TMEM163: variants seen among roughly 807,000 people sequenced by gnomAD.
TMEM163 encodes the protein transmembrane protein 163.
In TMEM163, 17 loss-of-function variants were observed where a neutral mutation model predicts 29.3. That is an observed-to-expected ratio of 0.58 (90% CI 0.40 to 0.87). The LOEUF is 0.87. Ranked by LOEUF, TMEM163 falls within the 40% of genes least tolerant of loss-of-function variation. The probability of loss-of-function intolerance (pLI) is 0.00; values close to 1 mark genes in which losing one functional copy is unlikely to be tolerated. For synonymous variants in TMEM163, 157 were observed against 160.6 expected (o/e 0.98, Z 0.17); for missense variants, 303 against 381.5 (o/e 0.79, Z 1.71).
intron 2 of TMEM163, among the ~76,000 whole-genome samples, chr2:134,605,810 A>T (rs1682343017): frequency 1.3e-5 from 2 of 152,236 alleles, no homozygotes; most frequent in Admixed American, 6.5e-5. Flanking sequence ...AGATCCAAAC[A>T]CATGGAAAGG....
At chr2:134,711,486 T>C (rs1256205495) in intron 2 of TMEM163, among the ~76,000 whole-genome samples, 1 of 152,226 alleles carries the variant, frequency 6.6e-6, no homozygotes, top group Non-Finnish European at 1.5e-5. Context: ...CAACATTTTA[T>C]TGGCTAGAAG....
Position 134,598,288 on chromosome 2 carries a change from C to G in TMEM163, c.323-46197G>C, listed in dbSNP as rs116129235. Among the ~76,000 whole-genome samples the G allele has an allele frequency of 2.8e-3, 432 of 152,308 alleles. 2 individuals carry two copies. The highest frequency in any genetic ancestry group is 9.7e-3 in the African/African-American group (405 of 41,564). On this transcript the variant is annotated intron_variant, in intron 2 of 7. Transcript: ENST00000281924. ...TTTAGCCAAGAAATGGTGTCACCTG[C>G]TTCCAAACCTGCTTATGTCAGTTGT...
At chr2:134,459,928 G>A (rs1455346707) in intron 6 of TMEM163, among the ~76,000 whole-genome samples, 2 of 152,214 alleles carry the variant, frequency 1.3e-5, no homozygotes, top group Middle Eastern at 3.4e-3. Context: ...ATCTCAGACT[G>A]ACCACAGCCA....
chr2:134,678,665 G>A (rs767481082), intron 2 of TMEM163, among the ~76,000 whole-genome samples: 2 of 152,158 alleles, frequency 1.3e-5, no homozygotes, highest in Non-Finnish European at 2.9e-5. Context: ...TGTCAGCCTG[G>A]GGAGTCCTTT....
chr2:134,487,706 G>A (rs1268037379), intron 5 of TMEM163, among the ~76,000 whole-genome samples: 1 of 152,166 alleles, frequency 6.6e-6, no homozygotes, highest in African/African-American at 2.4e-5. Context: ...CCACAGAATG[G>A]AACGGCAAGT....
At chr2:134,712,348 T>G (rs547374485) in intron 2 of TMEM163, among the ~76,000 whole-genome samples, 1 of 152,328 alleles carries the variant, frequency 6.6e-6, no homozygotes, top group East Asian at 1.9e-4. Context: ...TGTGCTTTTT[T>G]TCTCCTAATC....
At chr2:134,481,389 G>C (rs904039683) in intron 5 of TMEM163, among the ~76,000 whole-genome samples, 1 of 139,242 alleles carries the variant, frequency 7.2e-6, no homozygotes. Flanking sequence ...GGGGGGGGGG[G>C]AGCTTTTCCT....
In TMEM163 at chr2:134,515,254, A is replaced by T. The variant is rs927911601; in HGVS notation, c.459-12257T>A. Reference sequence around the variant, plus strand: ...TGAATAATCTTACTGAATCAAAAAGACAAGAATGGAAGCCCCCCGTGGTCT... The same window carrying T: ...TGAATAATCTTACTGAATCAAAAAGTCAAGAATGGAAGCCCCCCGTGGTCT... On this transcript the variant is annotated intron_variant, in intron 4 of 7. Transcript: ENST00000281924. 3.9e-5 allele frequency among the ~76,000 whole-genome samples: 6 copies of T among 152,290 alleles called. No homozygotes were observed. In the East Asian group the frequency reaches 1.2e-3, roughly 29 times the overall value.
chr2:134,713,241 A>C lies in TMEM163; in HGVS notation c.281T>G (p.Phe94Cys), dbSNP rs1305803476. The C allele has an allele frequency of 6.2e-7, 1 of 1,614,058 alleles. No homozygotes were observed. Among genetic ancestry groups the C allele is most frequent in the Non-Finnish European group, 8.5e-7 (1 of 1,180,028 alleles). ...GAGGGCCAGGGTGACAATGATGGAG[A>C]ACCAGGACACCCACAATGCCTTCTT... Reference protein sequence around the residue: ...YRKKALWVSWFSIIVTLALAV... With the variant: ...YRKKALWVSWCSIIVTLALAV... Residue 94 changes from phenylalanine (F) to cysteine (C), a missense_variant, in exon 2 of 8, where the codon TTC (phenylalanine) becomes TGC (cysteine). Physicochemically the swap from Phe to Cys is radical, Grantham distance 205. Coordinates refer to ENST00000281924, the MANE Select transcript of TMEM163 (RefSeq NM_030923.5).
chr2:134,561,984 G>T (rs1487867810), intron 2 of TMEM163, among the ~76,000 whole-genome samples: 1 of 152,238 alleles, frequency 6.6e-6, no homozygotes, highest in African/African-American at 2.4e-5. Flanking sequence ...CTTTAGCCCA[G>T]TAAGTAAAGC....
At chr2:134,486,103 C>T (rs1335768566) in intron 5 of TMEM163, among the ~76,000 whole-genome samples, 1 of 152,186 alleles carries the variant, frequency 6.6e-6, no homozygotes, top group Admixed American at 6.5e-5. Context: ...CCATGCCTAA[C>T]ACCTAAAAAT....
chr2:134,715,339 A>G (rs1409778679), intron 1 of TMEM163, among the ~76,000 whole-genome samples: 1 of 152,206 alleles, frequency 6.6e-6, no homozygotes, highest in Non-Finnish European at 1.5e-5. Context: ...GTTTCAGATG[A>G]CAGCCCAGGA....
intron 2 of TMEM163, among the ~76,000 whole-genome samples, chr2:134,564,636 T>C (rs1279158801): frequency 2.6e-5 from 4 of 152,138 alleles, no homozygotes; most frequent in Non-Finnish European, 5.9e-5. Flanking sequence ...ATCCAGAACA[T>C]ATAGACTTAT....
intron 1 of TMEM163, among the ~76,000 whole-genome samples, chr2:134,715,185 A>G (rs1388158677): frequency 6.6e-6 from 1 of 152,214 alleles, no homozygotes; most frequent in Admixed American, 6.5e-5. Flanking sequence ...AGGAATGACA[A>G]TGATGCCCAT....
intron 5 of TMEM163, chr2:134,466,658 A>C (rs1254058037): frequency 6.1e-6 from 1 of 163,264 alleles, no homozygotes; most frequent in African/African-American, 2.4e-5. Flanking sequence ...AACAGAGCCA[A>C]CTGAATTTGC....
intron 4 of TMEM163, among the ~76,000 whole-genome samples, chr2:134,523,862 G>T (rs1680237659): frequency 6.6e-6 from 1 of 152,160 alleles, no homozygotes; most frequent in South Asian, 2.1e-4. Context: ...TCCCACAGGG[G>T]ATACTTGGCA....
chr2:134,643,167 A>G (rs905540720), intron 2 of TMEM163, among the ~76,000 whole-genome samples: 2 of 152,136 alleles, frequency 1.3e-5, no homozygotes, highest in East Asian at 1.9e-4. Flanking sequence ...AGACATCACT[A>G]GACCCCACAG....
chr2:134,702,576 T>C (rs1180521212), intron 2 of TMEM163, among the ~76,000 whole-genome samples: 1 of 152,030 alleles, frequency 6.6e-6, no homozygotes, highest in Non-Finnish European at 1.5e-5. Context: ...GCCTGGAAGG[T>C]CAAGGCTGCA....
At chr2:134,705,449 G>A (rs1226336410) in intron 2 of TMEM163, among the ~76,000 whole-genome samples, 2 of 152,076 alleles carry the variant, frequency 1.3e-5, no homozygotes, top group Non-Finnish European at 2.9e-5. Context: ...AAGGAGAGAG[G>A]CCTCAGAAGA....
Sources: gnomAD v4.1 joint callset for allele counts (sites outside exome capture counted in the v4.1 genomes callset) on GRCh38, gnomAD v4.1.1 for gene constraint, MANE v1.5 for transcripts, NCBI Gene and HGNC (gene_info 2026-07-23, HGNC 2026-07-21) for gene names.